The following TUBB1 variants were observed in gnomAD, a reference collection of about 807,000 sequenced individuals.
The protein encoded by TUBB1 is tubulin beta-1 chain.
Under a neutral mutation model 22.6 loss-of-function variants are expected in TUBB1, and 28 were observed. The observed-to-expected ratio is 1.24, with a 90% CI of 0.92 to 1.70. The LOEUF (loss-of-function observed/expected upper bound fraction) is 1.70. TUBB1 is among the 40% of genes most tolerant of loss of function. The probability of loss-of-function intolerance (pLI) is 0.00; values close to 1 mark genes in which losing one functional copy is unlikely to be tolerated. For synonymous variants in TUBB1, 226 were observed against 238.0 expected (o/e 0.95, Z 0.46); for missense variants, 577 against 605.5 (o/e 0.95, Z 0.49).
Position 59,025,891 on chromosome 20 carries a change from C to G in TUBB1, c.*1108C>G, listed in dbSNP as rs888487517. The G allele has an allele frequency of 2.6e-5, 4 of 152,226 alleles. No individual in the cohort carries two copies. The highest frequency in any genetic ancestry group is 9.6e-5 in the African/African-American group (4 of 41,452). 9.4% of individuals were successfully genotyped at this position (152,226 alleles called of 1,614,324 possible). A position where few individuals can be genotyped will look rare whatever the true frequency, so the allele number is the denominator to read the frequency against. ...TCACATTATAACAGGACCAAATACA[C>G]AAGAGCGTAATCAAATCATCTGTAA... is the stretch of plus-strand genomic sequence containing the variant. On this transcript the variant is annotated 3_prime_UTR_variant, in exon 4 of 4. Coordinates refer to ENST00000217133, the MANE Select transcript of TUBB1 (RefSeq NM_030773.4).
In TUBB1 at chr20:59,024,347, G is replaced by A. The variant is rs6070697; in HGVS notation, c.920G>A (p.Arg307His). The A allele has an allele frequency of 0.18, 287,618 of 1,613,840 alleles. 26,195 individuals carry two copies. Among genetic ancestry groups the A allele is most frequent in the Non-Finnish European group, 0.18 (214,000 of 1,179,944 alleles). Reference sequence around the variant, plus strand: ...ACCATGGCTGCCTGTGACCTCCGCCGTGGCCGCTACCTCACAGTGGCCTGC... The same window carrying A: ...ACCATGGCTGCCTGTGACCTCCGCCATGGCCGCTACCTCACAGTGGCCTGC... ...RNTMAACDLR[R>H]GRYLTVACIF... is the part of the protein sequence containing the mutation. Residue 307 changes from arginine (R) to histidine (H), a missense_variant, in exon 4 of 4, where the codon CGT (arginine) becomes CAT (histidine). Arg to His is a conservative substitution (Grantham distance 29). Coordinates refer to ENST00000217133, the MANE Select transcript of TUBB1 (RefSeq NM_030773.4). This position sits in a 1 kb window ranked among gnomAD's most constrained non-coding sequence, Gnocchi z 4.9.
At position 59,024,129 on chromosome 20, in the gene TUBB1, C is replaced by A; in HGVS notation, c.702C>A (p.Ser234Arg). ...DLNHLVSLTM[S>R]GITTSLRFPG... ...ACCACCTAGTGTCCTTGACCATGAG[C>A]GGCATAACCACCTCCCTCCGGTTCC... The change falls in exon 4 of 4, where the codon AGC becomes AGA. Residue 234 changes from serine to arginine, a missense_variant. Coordinates refer to ENST00000217133, the MANE Select transcript of TUBB1 (RefSeq NM_030773.4). This position sits in a 1 kb window ranked among gnomAD's most constrained non-coding sequence, Gnocchi z 4.9. 1.2e-6 allele frequency: 2 copies of A among 1,614,208 alleles called. No individual in the cohort carries two copies. Among genetic ancestry groups the A allele is most frequent in the Non-Finnish European group, 1.7e-6 (2 of 1,180,026 alleles).
upstream of TUBB1, among the ~76,000 whole-genome samples, chr20:59,017,264 A>G (rs2091948866): frequency 1.3e-5 from 2 of 152,104 alleles, no homozygotes; most frequent in African/African-American, 4.8e-5. Context: ...TCCTCATACC[A>G]TCCTCTATAG....
intron 3 of TUBB1, 31 bp downstream of exon 3, chr20:59,023,631 G>A (rs899149515): frequency 1.2e-5 from 19 of 1,613,314 alleles, no homozygotes; most frequent in East Asian, 1.1e-4. Flanking sequence ...CCACCAGGAG[G>A]AGGGGGGGAT....
intron 1 of TUBB1, 31 bp from the exon 2 acceptor site, chr20:59,022,814 C>T (rs777818569): frequency 6.2e-7 from 1 of 1,601,944 alleles, no homozygotes; most frequent in East Asian, 2.2e-5. Context: ...TTTTCGGGGT[C>T]CGTTTACTCT....
rs984592636 is a variant in TUBB1 at position 59,025,108 on chromosome 20, G to T, written c.*325G>T. On this transcript the variant is annotated 3_prime_UTR_variant, in exon 4 of 4. Transcript: ENST00000217133. ...CAGACTACACGTGTGGATTTGCAGG[G>T]AGCCACTGGAGTTGGTGTTACATTT... 2.6e-6 allele frequency: 1 copy of T among 386,594 alleles called. No homozygotes were observed. Among genetic ancestry groups the T allele is most frequent in the Non-Finnish European group, 4.9e-6 (1 of 203,466 alleles). The allele number at this position is 386,594 out of a possible 1,614,324, so 23.9% of individuals were successfully genotyped here. A position where few individuals can be genotyped will look rare whatever the true frequency, so the allele number is the denominator to read the frequency against.
chr20:59,018,828 G>A (rs2091955255), upstream of TUBB1, among the ~76,000 whole-genome samples: 1 of 152,244 alleles, frequency 6.6e-6, no homozygotes, highest in African/African-American at 2.4e-5. Context: ...GACAGAGCAG[G>A]GGCTGGGAAG....
At chr20:59,023,421 T>A in intron 2 of TUBB1, 69 bp from the exon 3 acceptor site, 1 of 1,462,416 alleles carries the variant, frequency 6.8e-7, no homozygotes, top group Non-Finnish European at 9.6e-7. Context: ...TATCACAAAG[T>A]TCTATTTTGA....
intron 1 of TUBB1, among the ~76,000 whole-genome samples, chr20:59,021,584 G>A (rs1313947725): frequency 6.6e-6 from 1 of 152,174 alleles, no homozygotes; most frequent in Non-Finnish European, 1.5e-5. Context: ...TAAGAGCTTG[G>A]CACATATCTA....
chr20:59,024,066 T>C lies in TUBB1; in HGVS notation c.639T>C (p.Arg213=), dbSNP rs1191162321. Residue 213 remains arginine, a synonymous_variant, in exon 4 of 4, where the codon CGT becomes CGC. Coordinates refer to ENST00000217133, the MANE Select transcript of TUBB1 (RefSeq NM_030773.4). The surrounding 1 kb of genome is among the most constrained non-coding windows in gnomAD (Gnocchi z 4.9). ...AGGCCCTCTATGACATCTGCTTCCG[T>C]ACCCTGAAGCTGACGACACCCACCT... ...DNEALYDICF[R]TLKLTTPTYG... 5 of 1,614,232 alleles carry C rather than the reference T, an allele frequency of 3.1e-6. No homozygotes were observed. Among genetic ancestry groups the C allele is most frequent in the Non-Finnish European group, 4.2e-6 (5 of 1,180,038 alleles).
chr20:59,023,553 G>T lies in TUBB1; in HGVS notation c.230G>T (p.Arg77Leu), dbSNP rs572988631. 4.3e-6 allele frequency: 7 copies of T among 1,614,146 alleles called. No homozygotes were observed. Among genetic ancestry groups the T allele is most frequent in the Non-Finnish European group, 5.9e-6 (7 of 1,180,030 alleles). Residue 77 changes from arginine to leucine, a missense_variant, in exon 3 of 4, where the codon CGA (arginine) becomes CTA (leucine). By Grantham distance (102) the Arg-to-Leu change is moderately radical. Transcript: ENST00000217133. ...DLEPGTMDSIRSSKLGALFQP... is the reference protein window; with the variant it reads ...DLEPGTMDSILSSKLGALFQP... ...GAACCTGGGACGATGGACAGCATTC[G>T]ATCTAGCAAATTAGGAGCTCTCTTT...
rs753414843 is a variant in TUBB1, at chr20:59,023,557, T to C, written c.234T>C (p.Ser78=). 3 of 1,614,228 alleles carry C rather than the reference T, an allele frequency of 1.9e-6. No individual in the cohort carries two copies. Among genetic ancestry groups the C allele is most frequent in the Non-Finnish European group, 8.5e-7 (1 of 1,180,040 alleles). ...CTGGGACGATGGACAGCATTCGATC[T>C]AGCAAATTAGGAGCTCTCTTTCAAC... ...LEPGTMDSIR[S]SKLGALFQPD... The change falls in exon 3 of 4, where the codon TCT becomes TCC. Residue 78 remains serine (S), a synonymous_variant. Transcript: ENST00000217133.
In TUBB1 at chr20:59,023,829, G is replaced by C; in HGVS notation, c.402G>C (p.Gln134His). The stretch of plus-strand genomic sequence containing the variant: ...GCTGTGACTGCCTGCAGGGCTTCCA[G>C]ATCGTCCACTCCCTGGGCGGGGGCA... ...SESCDCLQGF[Q>H]IVHSLGGGTG... The change falls in exon 4 of 4, where the codon CAG (glutamine) becomes CAC (histidine). Residue 134 changes from glutamine to histidine, a missense_variant. Transcript: ENST00000217133. The C allele has an allele frequency of 6.2e-7, 1 of 1,614,178 alleles. No individual in the cohort carries two copies. The highest frequency in any genetic ancestry group is 8.5e-7 in the Non-Finnish European group (1 of 1,180,020).
upstream of TUBB1, among the ~76,000 whole-genome samples, chr20:59,018,840 G>T (rs2091955290): frequency 1.3e-5 from 2 of 152,234 alleles, no homozygotes; most frequent in African/African-American, 4.8e-5. Context: ...GCTGGGAAGG[G>T]TGCTGGGGCA....
Position 59,025,139 on chromosome 20 carries a change from C to T in TUBB1, c.*356C>T, listed in dbSNP as rs1482806047. 6 of 355,640 alleles carry T rather than the reference C, an allele frequency of 1.7e-5. No homozygotes were observed. Among genetic ancestry groups the T allele is most frequent in the South Asian group, 7.0e-5 (3 of 43,030 alleles). The allele number at this position is 355,640 out of a possible 1,614,324, so 22.0% of individuals were successfully genotyped here. A position where few individuals can be genotyped will look rare whatever the true frequency, so the allele number is the denominator to read the frequency against. On this transcript the variant is annotated 3_prime_UTR_variant, in exon 4 of 4. Transcript: ENST00000217133. ...CTGGAGTTGGTGTTACATTTTTATA[C>T]TTTAGCAGCACTGATAGGCACCCTG... is the stretch of plus-strand genomic sequence containing the variant.
At position 59,026,292 on chromosome 20, in the gene TUBB1, AAAC is replaced by A. The variant is rs1265572113; in HGVS notation, c.*1514_*1516del. The A allele has an allele frequency of 2.6e-5, 4 of 152,232 alleles. No individual in the cohort carries two copies. The highest frequency in any genetic ancestry group is 7.2e-5 in the African/African-American group (3 of 41,454). The allele number at this position is 152,232 out of a possible 1,614,324, so 9.4% of individuals were successfully genotyped here. A position where few individuals can be genotyped will look rare whatever the true frequency, so the allele number is the denominator to read the frequency against. ...CTATTTACAAACTTCAAAAAACACAAAACAACATTCATGTTTTAAATGCTTTCT... is the reference window on the plus strand; with the variant it reads ...CTATTTACAAACTTCAAAAAACACAAAACATTCATGTTTTAAATGCTTTCT... On this transcript the variant is annotated 3_prime_UTR_variant, in exon 4 of 4. Transcript: ENST00000217133.
In TUBB1 at chr20:59,025,030, T is replaced by C. The variant is rs2091987987; in HGVS notation, c.*247T>C. The C allele has an allele frequency of 1.3e-5, 7 of 540,602 alleles. No homozygotes were observed. The highest frequency in any genetic ancestry group is 2.1e-5 in the South Asian group (1 of 48,638). The allele number at this position is 540,602 out of a possible 1,614,324, so 33.5% of individuals were successfully genotyped here. On this transcript the variant is annotated 3_prime_UTR_variant, in exon 4 of 4. Transcript: ENST00000217133. ...GTGCATACTTATTAACTTAAAAAAA[T>C]AGCAAATTTATTGTAAAGTGCTCCC...
At chr20:59,020,642 T>C (rs888426813) in intron 1 of TUBB1, among the ~76,000 whole-genome samples, 4 of 152,250 alleles carry the variant, frequency 2.6e-5, no homozygotes, top group African/African-American at 9.6e-5. Flanking sequence ...AATCAATTAC[T>C]GTTTTATTAG....
In TUBB1 at chr20:59,019,557, G is replaced by A. The variant is rs1429996968; in HGVS notation, c.35G>A (p.Cys12Tyr). 8 of 1,614,112 alleles carry A rather than the reference G, an allele frequency of 5.0e-6. No individual in the cohort carries two copies. The highest frequency in any genetic ancestry group is 6.8e-6 in the Non-Finnish European group (8 of 1,179,918). The part of the protein sequence containing the change: ...REIVHIQIGQ[C>Y]GNQIGAKFWE... ...ATTGTCCATATTCAGATTGGCCAGT[G>A]TGGCAACCAGATCGGAGCCAAGGTA... The change falls in exon 1 of 4, where the codon TGT becomes TAT. Residue 12 changes from cysteine to tyrosine, a missense_variant. Transcript: ENST00000217133.
Sources: gnomAD v4.1 joint callset for allele counts (sites outside exome capture counted in the v4.1 genomes callset) on GRCh38, gnomAD v4.1.1 for gene constraint, Gnocchi (gnomAD v3.1) non-coding constraint, MANE v1.5 for transcripts, NCBI Gene and HGNC (gene_info 2026-07-23, HGNC 2026-07-21) for gene names.